The following RANBP2 variants were observed in gnomAD, a reference collection of about 807,000 sequenced individuals.
RANBP2 encodes the protein E3 SUMO-protein ligase RanBP2.
Under a neutral mutation model 303.6 loss-of-function variants are expected in RANBP2, and 57 were observed. That is an observed-to-expected ratio of 0.19 (90% confidence interval 0.15 to 0.23). The LOEUF (loss-of-function observed/expected upper bound fraction) is 0.23, where lower values mean the gene tolerates loss of function less well. RANBP2 is among the 10% of genes least tolerant of loss of function. The pLI is 1.00. For missense variants in RANBP2, 3,138 were observed against 3,780.8 expected (o/e 0.83, Z 4.46); for synonymous variants, 1,167 against 1,301.5 (o/e 0.90, Z 2.23).
chr2:108,848,317 T>A, the RANBP2 span, among the ~76,000 whole-genome samples: 1 of 152,174 alleles, frequency 6.6e-6, no homozygotes, highest in East Asian at 1.9e-4. Context: ...TCACCACTTG[T>A]GTGCAGCAGT....
chr2:109,470,228 G>T, the RANBP2 span, among the ~76,000 whole-genome samples: 1 of 152,190 alleles, frequency 6.6e-6, no homozygotes, highest in Non-Finnish European at 1.5e-5. Context: ...ACTTTGGAAT[G>T]ACTTATTTCC....
At chr2:108,869,268 A>C in the RANBP2 span, among the ~76,000 whole-genome samples, 2 of 152,190 alleles carry the variant, frequency 1.3e-5, no homozygotes. Context: ...ATGCAAAATG[A>C]TAGGACATTC....
At chr2:109,069,989 G>A in the RANBP2 span, among the ~76,000 whole-genome samples, 4 of 152,206 alleles carry the variant, frequency 2.6e-5, no homozygotes, top group African/African-American at 9.6e-5. Context: ...AGATTATGAT[G>A]TAACAGAGCT....
At chr2:109,523,532 T>C in the RANBP2 span, among the ~76,000 whole-genome samples, 4 of 152,198 alleles carry the variant, frequency 2.6e-5, no homozygotes, top group Non-Finnish European at 5.9e-5. Flanking sequence ...ATTGATCTTA[T>C]GTGTAGAATG....
chr2:109,266,750 C>T, the RANBP2 span, among the ~76,000 whole-genome samples: 2 of 152,156 alleles, frequency 1.3e-5, no homozygotes, highest in African/African-American at 4.8e-5. Context: ...GCTTCATTAA[C>T]AGCCTAACAA....
the RANBP2 span, among the ~76,000 whole-genome samples, chr2:109,459,149 T>A: frequency 5.3e-5 from 8 of 152,104 alleles, no homozygotes; most frequent in African/African-American, 1.9e-4. Context: ...TACTATCATA[T>A]AATAATCATA....
At chr2:108,967,293 G>C in the RANBP2 span, among the ~76,000 whole-genome samples, 1 of 152,082 alleles carries the variant, frequency 6.6e-6, no homozygotes, top group Admixed American at 6.5e-5. Flanking sequence ...ATATTTCACA[G>C]GGAAAAACAG....
At chr2:109,656,340 TTTTG>T in the RANBP2 span, among the ~76,000 whole-genome samples, 7,431 of 152,196 alleles carry the variant, frequency 0.049, 603 homozygotes, top group African/African-American at 0.17. Flanking sequence ...TCTGGGGTTT[TTTTG>T]TTTGTTTGTT....
chr2:108,915,447 A>G, the RANBP2 span, among the ~76,000 whole-genome samples: 2 of 152,242 alleles, frequency 1.3e-5, no homozygotes, highest in Non-Finnish European at 2.9e-5. Context: ...GTCATAGGGT[A>G]TGTAAGAAAC....
At chr2:109,170,244 T>TTCTCTTCTCTTCTCTTCTCTTCTCTTCTC in the RANBP2 span, among the ~76,000 whole-genome samples, 1 of 32,966 alleles carries the variant, frequency 3.0e-5, no homozygotes, top group African/African-American at 1.1e-4. Context: ...CTTCTTTTCT[T>TTCTCTTCTCTTCTCTTCTCTTCTCTTCTC]TTCTCTTCTC....
chr2:109,106,889 T>C, the RANBP2 span, among the ~76,000 whole-genome samples: 1 of 151,510 alleles, frequency 6.6e-6, no homozygotes, highest in African/African-American at 2.4e-5. Flanking sequence ...TTAGTGTTTT[T>C]TCCACACTGC....
At chr2:108,744,946 G>GAA (rs1696399884) in intron 7 of RANBP2, among the ~76,000 whole-genome samples, 1 of 151,980 alleles carries the variant, frequency 6.6e-6, no homozygotes, top group South Asian at 2.1e-4. Flanking sequence ...TTTGAACATT[G>GAA]CATTTACTTT....
chr2:109,610,043 TCA>T, the RANBP2 span, among the ~76,000 whole-genome samples: 1 of 151,394 alleles, frequency 6.6e-6, no homozygotes, highest in Non-Finnish European at 1.5e-5. Flanking sequence ...AGAGCAGATC[TCA>T]CAATCACTAG....
At chr2:109,685,449 T>C in the RANBP2 span, among the ~76,000 whole-genome samples, 1 of 152,220 alleles carries the variant, frequency 6.6e-6, no homozygotes, top group Non-Finnish European at 1.5e-5. Context: ...AAGCAACATA[T>C]GAAGTGTCAT....
chr2:109,366,591 G>C, the RANBP2 span, among the ~76,000 whole-genome samples: 9 of 152,238 alleles, frequency 5.9e-5, no homozygotes, highest in African/African-American at 1.9e-4. Flanking sequence ...GTTCATGCCT[G>C]TAATCCCAGC....
chr2:109,042,958 T>A, the RANBP2 span, among the ~76,000 whole-genome samples: 3 of 152,202 alleles, frequency 2.0e-5, no homozygotes, highest in Admixed American at 6.5e-5. Context: ...ACAAAGAGAA[T>A]CAGGAACTAC....
the RANBP2 span, among the ~76,000 whole-genome samples, chr2:109,132,181 A>G: frequency 6.6e-6 from 1 of 152,242 alleles, no homozygotes; most frequent in African/African-American, 2.4e-5. Context: ...GCAGGTAACC[A>G]TAAATATTAC....
At chr2:108,819,935 C>T in the RANBP2 span, among the ~76,000 whole-genome samples, 1 of 152,124 alleles carries the variant, frequency 6.6e-6, no homozygotes, top group African/African-American at 2.4e-5. Context: ...ACACAAAAAA[C>T]TAAGCAAAGT....
the RANBP2 span, among the ~76,000 whole-genome samples, chr2:109,069,993 CAG>C: frequency 6.6e-6 from 1 of 152,316 alleles, no homozygotes; most frequent in East Asian, 1.9e-4. Context: ...TATGATGTAA[CAG>C]AGCTTCTTTT....
Sources: gnomAD v4.1 joint callset for allele counts (sites outside exome capture counted in the v4.1 genomes callset) on GRCh38, gnomAD v4.1.1 for gene constraint, MANE v1.5 for transcripts, NCBI Gene and HGNC (gene_info 2026-07-23, HGNC 2026-07-21) for gene names.